Variants in HHATL observed in about 807,000 individuals in gnomAD.
The protein encoded by HHATL is hedgehog acyltransferase like, also known as protein-cysteine N-palmitoyltransferase HHAT-like protein.
A neutral mutation model predicts 59.7 loss-of-function variants in HHATL; 49 were observed. The observed-to-expected ratio is 0.82, with a 90% confidence interval of 0.65 to 1.04. The LOEUF (loss-of-function observed/expected upper bound fraction) is 1.04, where lower values mean the gene tolerates loss of function less well. HHATL is among the 50% of genes least tolerant of loss of function. The probability of loss-of-function intolerance (pLI) is 0.00; values close to 1 mark genes in which losing one functional copy is unlikely to be tolerated. For synonymous variants in HHATL, 238 were observed against 257.3 expected (o/e 0.93, Z 0.72); for missense variants, 605 against 650.8 (o/e 0.93, Z 0.77).
At chr3:42,696,797 A>T (rs764565821) in intron 9 of HHATL, 45 bp downstream of exon 9, 2 of 1,606,206 alleles carry the variant, frequency 1.2e-6, no homozygotes, top group African/African-American at 1.3e-5. Context: ...CTGCTCAGAC[A>T]CCTGGCAGGA....
Position 42,698,359 on chromosome 3 carries a change from G to A in HHATL, c.484-8C>T. 2 of 1,607,652 alleles carry A rather than the reference G, an allele frequency of 1.2e-6. No individual in the cohort carries two copies. The highest frequency in any genetic ancestry group is 1.7e-6 in the Non-Finnish European group (2 of 1,175,966). ...GCCTGTTACAAACCCGCTCTGGAGG[G>A]GGAAAGAACAGGCCACCAGCTCACT... is the stretch of plus-strand genomic sequence containing the variant. On this transcript the variant is annotated splice_region_variant and splice_polypyrimidine_tract_variant and intron_variant, in intron 5 of 11. Transcript: ENST00000441594.
rs200393220 is a variant in HHATL at position 42,693,568 on chromosome 3, C to A, written c.1248+49G>T. The stretch of plus-strand genomic sequence containing the variant: ...AACTCCAGAAAGCAGCAGTGCCCCC[C>A]CGCCCTCTATGACCCAGCCAGTCCC... On this transcript the variant is annotated intron_variant, in intron 10 of 11. Transcript: ENST00000441594. 9.2e-6 allele frequency: 14 copies of A among 1,526,792 alleles called. No individual in the cohort carries two copies. In the Admixed American group the frequency reaches 2.3e-4, roughly 25 times the overall value. 94.6% of individuals were successfully genotyped at this position (1,526,792 alleles called of 1,614,324 possible).
At chr3:42,696,748 G>A in intron 9 of HHATL, 94 bp downstream of exon 9, 1 of 1,369,810 alleles carries the variant, frequency 7.3e-7, no homozygotes, top group Non-Finnish European at 1.0e-6. Context: ...CCTGGCCCAG[G>A]GGTGATCTTT....
At chr3:42,697,411 C>T (rs1385455506) in intron 7 of HHATL, 97 bp downstream of exon 7, 12 of 1,373,492 alleles carry the variant, frequency 8.7e-6, no homozygotes, top group Admixed American at 7.8e-5. Context: ...CTGTGCCCTG[C>T]GTGCCTCAGC....
At chr3:42,695,820 C>G (rs974970850) in intron 9 of HHATL, among the ~76,000 whole-genome samples, 4 of 152,206 alleles carry the variant, frequency 2.6e-5, no homozygotes, top group African/African-American at 4.8e-5. Flanking sequence ...CCGCCTGGAA[C>G]TAGACACCCT....
intron 5 of HHATL, 76 bp downstream of exon 5, chr3:42,698,632 G>T: frequency 6.8e-7 from 1 of 1,462,834 alleles, no homozygotes; most frequent in Non-Finnish European, 9.2e-7. Flanking sequence ...GGGATACTTG[G>T]GGTGCAAGGA....
intron 5 of HHATL, 141 bp from the exon 6 acceptor site, chr3:42,698,492 A>G (rs1195369608): frequency 3.1e-6 from 3 of 968,498 alleles, no homozygotes; most frequent in Non-Finnish European, 4.6e-6. Context: ...AACTTTGGCC[A>G]CTGCTCTATC....
At chr3:42,702,372 G>T (rs1575253931) in intron 1 of HHATL, among the ~76,000 whole-genome samples, 1 of 152,228 alleles carries the variant, frequency 6.6e-6, no homozygotes, top group Admixed American at 6.5e-5. Context: ...CAAGGAGCTG[G>T]CCCCCAGCCT....
intron 6 of HHATL, 143 bp from the exon 7 acceptor site, chr3:42,697,822 C>T: frequency 1.1e-6 from 1 of 898,134 alleles, no homozygotes; most frequent in Non-Finnish European, 1.7e-6. Flanking sequence ...AGAGGTCACC[C>T]TGGAGTCTGA....
intron 9 of HHATL, among the ~76,000 whole-genome samples, chr3:42,696,602 G>T (rs369081131): frequency 6.6e-6 from 1 of 152,102 alleles, no homozygotes; most frequent in African/African-American, 2.4e-5. Flanking sequence ...TCATGGCCAC[G>T]TCCTGTTCAG....
rs558080074 is a variant in HHATL, at chr3:42,698,030, A to G, written c.693+112T>C. ...GGAGACACGGCTTCATCCTGGAATCATGCCTGAGGATGGGGATACAGCCTG... is the reference window on the plus strand; with the variant it reads ...GGAGACACGGCTTCATCCTGGAATCGTGCCTGAGGATGGGGATACAGCCTG... On this transcript the variant is annotated intron_variant, in intron 6 of 11. Transcript: ENST00000441594. The G allele has an allele frequency of 1.8e-5, 20 of 1,121,590 alleles. No homozygotes were observed. The African/African-American group carries it at 2.1e-4, about 12-fold the overall frequency. 69.5% of individuals were successfully genotyped at this position (1,121,590 alleles called of 1,614,324 possible).
chr3:42,698,458 C>T lies in HHATL; in HGVS notation c.484-107G>A, dbSNP rs114515184. The T allele has an allele frequency of 7.9e-4, 868 of 1,102,234 alleles. 4 individuals carry two copies. The African/African-American group carries it at 0.012, about 16-fold the overall frequency. The allele number at this position is 1,102,234 out of a possible 1,614,324, so 68.3% of individuals were successfully genotyped here. The stretch of plus-strand genomic sequence containing the variant: ...CACAGGGGCCCAGCCTGGTCCTGTC[C>T]CTTCCTCTCTTCCAGAGCCAGTTAA... On this transcript the variant is annotated intron_variant, in intron 5 of 11. Coordinates refer to ENST00000441594, the MANE Select transcript of HHATL (RefSeq NM_020707.4).
intron 6 of HHATL, 65 bp from the exon 7 acceptor site, chr3:42,697,744 G>A (rs780702578): frequency 2.5e-5 from 39 of 1,531,454 alleles, no homozygotes; most frequent in Non-Finnish European, 3.0e-5. Flanking sequence ...GTCTGAGGGG[G>A]GCTCACCAAC....
At position 42,698,415 on chromosome 3, in the gene HHATL, C is replaced by A. The variant is rs142024513; in HGVS notation, c.484-64G>T. 480 of 1,470,052 alleles carry A rather than the reference C, an allele frequency of 3.3e-4. No individual in the cohort carries two copies. In the Middle Eastern group the frequency reaches 5.1e-3, roughly 16 times the overall value. 91.1% of individuals were successfully genotyped at this position (1,470,052 alleles called of 1,614,324 possible). A position where few individuals can be genotyped will look rare whatever the true frequency, so the allele number is the denominator to read the frequency against. ...GCCTCCTGTCTCTGGAAAACCTATT[C>A]CCCACTCCCTAGCTTCCCACAGGGG... On this transcript the variant is annotated intron_variant, in intron 5 of 11. Coordinates refer to ENST00000441594, the MANE Select transcript of HHATL (RefSeq NM_020707.4).
At position 42,701,963 on chromosome 3, in the gene HHATL, G is replaced by T. The variant is rs750859978; in HGVS notation, c.-14+616C>A. 1.3e-5 allele frequency among the ~76,000 whole-genome samples: 2 copies of T among 152,120 alleles called. No homozygotes were observed. Among genetic ancestry groups the T allele is most frequent in the Non-Finnish European group, 2.9e-5 (2 of 68,018 alleles). On this transcript the variant is annotated intron_variant, in intron 1 of 11. Transcript: ENST00000441594. The surrounding 1 kb of genome is among the most constrained non-coding windows in gnomAD (Gnocchi z 5.1). ...TCCCCTGGGCCCCCCAGCAGCCGAC[G>T]GTCTCCTCGTACAGATGGAGGGGTC...
rs1044696398 is a variant in HHATL at position 42,701,749 on chromosome 3, C to A, written c.-14+830G>T. On this transcript the variant is annotated intron_variant, in intron 1 of 11. Transcript: ENST00000441594. This position sits in a 1 kb window ranked among gnomAD's most constrained non-coding sequence, Gnocchi z 5.1. ...AGCTAGCACCTTTACCCTTCCTATC[C>A]CGCTTCAGCCTGGCTCAGGGGCTTC... Among the ~76,000 whole-genome samples the A allele has an allele frequency of 9.9e-5, 15 of 152,238 alleles. No homozygotes were observed. The highest frequency in any genetic ancestry group is 1.8e-4 in the Non-Finnish European group (12 of 68,040).
intron 2 of HHATL, 66 bp downstream of exon 2, chr3:42,700,655 G>C: frequency 9.2e-7 from 1 of 1,091,208 alleles, no homozygotes; most frequent in Non-Finnish European, 1.4e-6. Flanking sequence ...GGCTTTGCTG[G>C]TTGGAACCCT....
At chr3:42,695,291 C>T (rs907109638) in intron 9 of HHATL, among the ~76,000 whole-genome samples, 4 of 152,336 alleles carry the variant, frequency 2.6e-5, no homozygotes, top group East Asian at 3.9e-4. Context: ...ACCTTCACCA[C>T]CGTCCTTAGC....
In HHATL at chr3:42,701,861, C is replaced by A. The variant is rs996837770; in HGVS notation, c.-14+718G>T. 6.6e-6 allele frequency among the ~76,000 whole-genome samples: 1 copy of A among 152,184 alleles called. No homozygotes were observed. Among genetic ancestry groups the A allele is most frequent in the African/African-American group, 2.4e-5 (1 of 41,438 alleles). On this transcript the variant is annotated intron_variant, in intron 1 of 11. Coordinates refer to ENST00000441594, the MANE Select transcript of HHATL (RefSeq NM_020707.4). This position sits in a 1 kb window ranked among gnomAD's most constrained non-coding sequence, Gnocchi z 5.1. ...CCAGGCAACTCTTGGGCTGACGGGG[C>A]CAAGAGGTGGCTGATGTGGCCCTTT...
Sources: gnomAD v4.1 joint callset for allele counts (sites outside exome capture counted in the v4.1 genomes callset) on GRCh38, gnomAD v4.1.1 for gene constraint, Gnocchi (gnomAD v3.1) non-coding constraint, MANE v1.5 for transcripts, NCBI Gene and HGNC (gene_info 2026-07-23, HGNC 2026-07-21) for gene names.